PACSIN1: variants seen among roughly 807,000 people sequenced by gnomAD.
PACSIN1 encodes protein kinase C and casein kinase substrate in neurons 1, also known as protein kinase C and casein kinase substrate in neurons protein 1.
Under a neutral mutation model 59.5 loss-of-function variants are expected in PACSIN1, and 15 were observed. That is an observed-to-expected ratio of 0.25 (90% CI 0.17 to 0.39). PACSIN1 has a LOEUF of 0.39. Among genes scored for constraint, PACSIN1 ranks in the 10% least tolerant of loss-of-function variants. PACSIN1 has a pLI of 1.00. For synonymous variants in PACSIN1, 210 were observed against 220.6 expected (o/e 0.95, Z 0.42); for missense variants, 420 against 580.2 (o/e 0.72, Z 2.84).
chr6:34,486,710 C>G (rs1201846378), intron 1 of PACSIN1, among the ~76,000 whole-genome samples: 3 of 149,398 alleles, frequency 2.0e-5, no homozygotes, highest in Non-Finnish European at 2.9e-5. Flanking sequence ...CGGGGCCCTC[C>G]TCCGTGGGCC....
chr6:34,489,216 G>A (rs916021906), intron 1 of PACSIN1, among the ~76,000 whole-genome samples: 2 of 151,886 alleles, frequency 1.3e-5, no homozygotes, highest in South Asian at 4.2e-4. Flanking sequence ...TTTATGGTGT[G>A]CAACATGATG....
intron 1 of PACSIN1, among the ~76,000 whole-genome samples, chr6:34,467,580 G>A (rs1318503992): frequency 1.6e-5 from 2 of 121,906 alleles, no homozygotes; most frequent in South Asian, 2.8e-4. Flanking sequence ...TTTTTTGAGA[G>A]AGAGTTTCGC....
intron 1 of PACSIN1, among the ~76,000 whole-genome samples, chr6:34,487,700 G>T (rs1374460231): frequency 2.0e-5 from 3 of 152,098 alleles, no homozygotes; most frequent in Admixed American, 2.0e-4. Context: ...TTGCACCCTC[G>T]CATTGACCAG....
chr6:34,482,130 A>G (rs1473520202), intron 1 of PACSIN1, among the ~76,000 whole-genome samples: 2 of 151,938 alleles, frequency 1.3e-5, no homozygotes, highest in African/African-American at 4.8e-5. Context: ...CTTGTTGCCC[A>G]GGCTGGAGTG....
intron 1 of PACSIN1, among the ~76,000 whole-genome samples, chr6:34,469,449 C>A (rs1766541655): frequency 6.6e-6 from 1 of 151,836 alleles, no homozygotes; most frequent in African/African-American, 2.4e-5. Flanking sequence ...CAGGAAGTAG[C>A]CGTGAGGATT....
chr6:34,485,276 T>C (rs912969722), intron 1 of PACSIN1: 16 of 152,072 alleles, frequency 1.1e-4, no homozygotes, highest in Admixed American at 6.5e-4. Flanking sequence ...TTAGTGACAT[T>C]ATTTATGTTT....
At position 34,505,473 on chromosome 6, in the gene PACSIN1, T is replaced by C. The variant is rs1767097295; in HGVS notation, c.-63-20770T>C. ...TCCTCTTGGACTCTAAAAACATGAA[T>C]GTTAGAGCTTCTATTTTAGTTCCAC... On this transcript the variant is annotated intron_variant, in intron 1 of 9. Transcript: ENST00000244458. Among the ~76,000 whole-genome samples, 8 of 151,856 alleles carry C rather than the reference T, an allele frequency of 5.3e-5. No individual in the cohort carries two copies. The South Asian group carries it at 1.7e-3, about 32-fold the overall frequency.
chr6:34,508,204 A>G (rs965150158), intron 1 of PACSIN1, among the ~76,000 whole-genome samples: 1 of 152,152 alleles, frequency 6.6e-6, no homozygotes, highest in African/African-American at 2.4e-5. Flanking sequence ...CCTGGGTTCA[A>G]GCAATTCTCC....
chr6:34,474,825 C>T (rs1444452506), intron 1 of PACSIN1, among the ~76,000 whole-genome samples: 2 of 149,240 alleles, frequency 1.3e-5, no homozygotes, highest in Middle Eastern at 3.3e-3. Context: ...CTATAATTGC[C>T]TGCAAGACCC....
At chr6:34,466,785 C>G (rs934978108) in intron 1 of PACSIN1, among the ~76,000 whole-genome samples, 1 of 152,120 alleles carries the variant, frequency 6.6e-6, no homozygotes, top group African/African-American at 2.4e-5. Context: ...GGGGAGGAGG[C>G]AAGAAGGAGG....
intron 1 of PACSIN1, among the ~76,000 whole-genome samples, chr6:34,490,703 G>A (rs2127252413): frequency 6.6e-6 from 1 of 152,310 alleles, no homozygotes. Flanking sequence ...TAAATGAGGT[G>A]CCTGCCCGGC....
At chr6:34,482,440 G>GT (rs1247425937) in intron 1 of PACSIN1, among the ~76,000 whole-genome samples, 1 of 152,166 alleles carries the variant, frequency 6.6e-6, no homozygotes, top group Non-Finnish European at 1.5e-5. Context: ...TTTGTAGCAA[G>GT]TAACTAGTGC....
Position 34,474,790 on chromosome 6 carries a change from GAA to G in PACSIN1, c.-64+8540_-64+8541del, listed in dbSNP as rs60232588. On this transcript the variant is annotated intron_variant, in intron 1 of 9. Coordinates refer to ENST00000244458, the MANE Select transcript of PACSIN1 (RefSeq NM_020804.5). The stretch of plus-strand genomic sequence containing the variant: ...GGTGACAGAGCAAGACTCTGTCTCA[GAA>G]AAAAAAAAAAAAAAAAAAAGCCCTA... Among the ~76,000 whole-genome samples the G allele has an allele frequency of 9.0e-3, 705 of 78,342 alleles. 1 individual carries two copies. Among genetic ancestry groups the G allele is most frequent in the Non-Finnish European group, 0.013 (585 of 44,672 alleles). The allele number at this position is 78,342 out of a possible 152,430, so 51.4% of individuals were successfully genotyped here.
chr6:34,532,223 G>T lies in PACSIN1; in HGVS notation c.1226-198G>T, dbSNP rs1476047541. On this transcript the variant is annotated intron_variant, in intron 9 of 9. Coordinates refer to ENST00000244458, the MANE Select transcript of PACSIN1 (RefSeq NM_020804.5). This position sits in a 1 kb window ranked among gnomAD's most constrained non-coding sequence, Gnocchi z 5.2. ...CACCCAGATTAGGTGAATGGCTGAG[G>T]TAGGCCAAGACCCCTATGCCAAGGG... 6.6e-6 allele frequency among the ~76,000 whole-genome samples: 1 copy of T among 152,110 alleles called. No homozygotes were observed. Among genetic ancestry groups the T allele is most frequent in the Admixed American group, 6.6e-5 (1 of 15,266 alleles).
chr6:34,479,884 G>A (rs1766690755), intron 1 of PACSIN1, among the ~76,000 whole-genome samples: 4 of 147,566 alleles, frequency 2.7e-5, no homozygotes, highest in East Asian at 4.2e-4. Context: ...GGAGTGCAGT[G>A]GTGCAATCTC....
rs367876328 is a variant in PACSIN1, at chr6:34,526,297, G to A, written c.-9G>A. ...GCTCCGCACTTGTCCATCCCCCTGC[G>A]GCTACACCATGTCCAGCTCCTACGA... On this transcript the variant is annotated 5_prime_UTR_variant, in exon 2 of 10. Coordinates refer to ENST00000244458, the MANE Select transcript of PACSIN1 (RefSeq NM_020804.5). 55 of 1,611,272 alleles carry A rather than the reference G, an allele frequency of 3.4e-5. No homozygotes were observed. Among genetic ancestry groups the A allele is most frequent in the Non-Finnish European group, 4.6e-5 (54 of 1,179,526 alleles).
rs1052251046 is a variant in PACSIN1 at position 34,516,371 on chromosome 6, G to A, written c.-63-9872G>A. On this transcript the variant is annotated intron_variant, in intron 1 of 9. Transcript: ENST00000244458. The surrounding 1 kb of genome is among the most constrained non-coding windows in gnomAD (Gnocchi z 5.4). ...CACTTTGGGATCAAGGGCCTAGGAGGGAGAAGGGCAGGTCTCGGGGATGGC... is the reference window on the plus strand; with the variant it reads ...CACTTTGGGATCAAGGGCCTAGGAGAGAGAAGGGCAGGTCTCGGGGATGGC... 6.6e-6 allele frequency among the ~76,000 whole-genome samples: 1 copy of A among 152,200 alleles called. No homozygotes were observed. The highest frequency in any genetic ancestry group is 2.4e-5 in the African/African-American group (1 of 41,448).
At position 34,529,737 on chromosome 6, in the gene PACSIN1, G is replaced by A. The variant is rs2127275158; in HGVS notation, c.684G>A (p.Glu228=). ...CACCCCAGTACATGGAGAACATGGA[G>A]CAGGTGTTTGAGCAATGCCAGCAAT... ...KTTPQYMENM[E]QVFEQCQQFE... is the part of the protein sequence containing the mutation. Residue 228 remains glutamate, a synonymous_variant, in exon 6 of 10, where the codon GAG becomes GAA. Transcript: ENST00000244458. The surrounding 1 kb of genome is among the most constrained non-coding windows in gnomAD (Gnocchi z 6.3). The A allele has an allele frequency of 6.2e-7, 1 of 1,614,188 alleles. No homozygotes were observed.
chr6:34,488,297 C>A lies in PACSIN1; in HGVS notation c.-64+22027C>A, dbSNP rs1288494727. Among the ~76,000 whole-genome samples, 1 of 152,178 alleles carries A rather than the reference C, an allele frequency of 6.6e-6. No homozygotes were observed. The highest frequency in any genetic ancestry group is 2.4e-5 in the African/African-American group (1 of 41,454). ...CCTGGCTGCCAAGGCTATTATTCTT[C>A]CCTGCCCCTTGCCATACAAACAGTG... On this transcript the variant is annotated intron_variant, in intron 1 of 9. Transcript: ENST00000244458. The surrounding 1 kb of genome is among the most constrained non-coding windows in gnomAD (Gnocchi z 4.7).
Sources: allele counts gnomAD v4.1 joint callset (sites outside exome capture counted in the v4.1 genomes callset), GRCh38; gene constraint gnomAD v4.1.1; non-coding constraint Gnocchi (gnomAD v3.1); transcripts MANE v1.5; gene names NCBI Gene and HGNC (gene_info 2026-07-23, HGNC 2026-07-21).